RIMS2: variants seen among roughly 807,000 people sequenced by gnomAD.
The protein encoded by RIMS2 is regulating synaptic membrane exocytosis 2, also known as regulating synaptic membrane exocytosis protein 2.
RIMS2 carries 59 observed loss-of-function variants against 174.4 expected under a neutral mutation model. The ratio of observed to expected loss-of-function variants is 0.34; its 90% confidence interval spans 0.27 to 0.42. The LOEUF is 0.42. Ranked by LOEUF, RIMS2 falls within the 10% of genes least tolerant of loss-of-function variation. The pLI is 1.00. For missense variants in RIMS2, 1,620 were observed against 1,666.3 expected (o/e 0.97, Z 0.48); for synonymous variants, 606 against 572.5 (o/e 1.06, Z -0.84).
chr8:103,770,676 C>T (rs1319806849), intron 3 of RIMS2, among the ~76,000 whole-genome samples: 1 of 152,072 alleles, frequency 6.6e-6, no homozygotes, highest in Non-Finnish European at 1.5e-5. Context: ...TGAAATTTCT[C>T]CCTTTGCCCA....
At chr8:104,114,944 C>T (rs923011806) in intron 19 of RIMS2, among the ~76,000 whole-genome samples, 3 of 151,878 alleles carry the variant, frequency 2.0e-5, no homozygotes, top group Non-Finnish European at 2.9e-5. Flanking sequence ...TATAAGAACA[C>T]GTGCAAGTCA....
chr8:104,207,660 A>T (rs1465072626), intron 19 of RIMS2, among the ~76,000 whole-genome samples: 3 of 151,864 alleles, frequency 2.0e-5, no homozygotes, highest in African/African-American at 7.3e-5. Context: ...ACACACACAC[A>T]AAATTAGCTG....
Position 103,826,591 on chromosome 8 carries a change from A to T in RIMS2, c.699-58707A>T, listed in dbSNP as rs561066596. ...CTGTGCAATATGCCAGTCTTACTTT[A>T]TAGTAATTTTGATGTCAGGCAGTGT... On this transcript the variant is annotated intron_variant, in intron 3 of 23. Transcript: ENST00000504942. Among the ~76,000 whole-genome samples, 3 of 151,658 alleles carry T rather than the reference A, an allele frequency of 2.0e-5. No homozygotes were observed. In the East Asian group the frequency reaches 5.8e-4, roughly 29 times the overall value.
intron 1 of RIMS2, among the ~76,000 whole-genome samples, chr8:103,536,791 C>G (rs1453802647): frequency 6.6e-6 from 1 of 152,222 alleles, no homozygotes; most frequent in Non-Finnish European, 1.5e-5. Context: ...AGGTCCCACC[C>G]TCCAACACTG....
intron 3 of RIMS2, among the ~76,000 whole-genome samples, chr8:103,805,686 TTTTTC>T (rs2098645369): frequency 1.3e-5 from 2 of 152,158 alleles, no homozygotes; most frequent in African/African-American, 4.8e-5. Context: ...TCTCTTCCAC[TTTTTC>T]TTTTCATTTC....
chr8:103,668,503 C>A (rs1355157315), intron 1 of RIMS2, among the ~76,000 whole-genome samples: 1 of 151,698 alleles, frequency 6.6e-6, no homozygotes, highest in Non-Finnish European at 1.5e-5. Context: ...CAGAAATATA[C>A]CTGAAGTATA....
At chr8:104,027,145 T>A (rs1403586282) in intron 19 of RIMS2, among the ~76,000 whole-genome samples, 1 of 152,118 alleles carries the variant, frequency 6.6e-6, no homozygotes, top group Non-Finnish European at 1.5e-5. Context: ...ACTGAGGGCA[T>A]AGGACCATTT....
At chr8:103,563,156 C>T (rs542908879) in intron 1 of RIMS2, among the ~76,000 whole-genome samples, 1 of 152,320 alleles carries the variant, frequency 6.6e-6, no homozygotes, top group East Asian at 1.9e-4. Context: ...CATTCAGCTC[C>T]CTGTTACTTT....
chr8:103,883,364 G>C (rs1306446663), intron 3 of RIMS2, among the ~76,000 whole-genome samples: 2 of 151,624 alleles, frequency 1.3e-5, no homozygotes, highest in Admixed American at 6.6e-5. Context: ...TATCATGCTA[G>C]AGTTTTTTTA....
At chr8:104,061,746 C>A (rs1220338924) in intron 19 of RIMS2, among the ~76,000 whole-genome samples, 2 of 151,660 alleles carry the variant, frequency 1.3e-5, no homozygotes, top group African/African-American at 4.8e-5. Context: ...ATATGTACAA[C>A]ATCCTCATCA....
chr8:103,634,206 C>G (rs80100464), intron 1 of RIMS2, among the ~76,000 whole-genome samples: 9,943 of 152,264 alleles, frequency 0.065, 403 homozygotes, highest in South Asian at 0.088. Context: ...CCCAAAGACT[C>G]TGGTAAGTTG....
intron 16 of RIMS2, among the ~76,000 whole-genome samples, chr8:103,988,829 G>A (rs143675777): frequency 1.2e-4 from 18 of 152,224 alleles, no homozygotes; most frequent in East Asian, 3.9e-4. Flanking sequence ...GGGAGATGGC[G>A]CAAAGTGTGC....
intron 1 of RIMS2, among the ~76,000 whole-genome samples, chr8:103,662,177 G>A (rs2096609514): frequency 6.6e-6 from 1 of 152,152 alleles, no homozygotes. Flanking sequence ...GCTGTCCTGG[G>A]CCTCATGTGG....
intron 3 of RIMS2, among the ~76,000 whole-genome samples, chr8:103,847,540 A>G (rs1035546733): frequency 1.3e-5 from 2 of 152,102 alleles, no homozygotes; most frequent in African/African-American, 4.8e-5. Flanking sequence ...GTGGTATTCC[A>G]TGTAGGTAAA....
chr8:104,054,428 C>T (rs1044292130), intron 19 of RIMS2, among the ~76,000 whole-genome samples: 10 of 152,000 alleles, frequency 6.6e-5, no homozygotes, highest in Non-Finnish European at 1.2e-4. Flanking sequence ...TAAATATTTC[C>T]TTTTTTCATT....
exon 3 of RIMS2, chr8:103,766,519 G>A (rs1461164832): frequency 3.7e-6 from 6 of 1,612,066 alleles, no homozygotes; most frequent in Admixed American, 1.7e-5. Flanking sequence ...CACATTGCCA[G>A]TGACATAGCT....
At chr8:104,004,730 G>A (rs914802085) in intron 17 of RIMS2, among the ~76,000 whole-genome samples, 4 of 152,120 alleles carry the variant, frequency 2.6e-5, no homozygotes, top group Admixed American at 1.3e-4. Flanking sequence ...CAGAATGATT[G>A]GAAGAAGAGT....
intron 1 of RIMS2, among the ~76,000 whole-genome samples, chr8:103,569,622 T>C (rs1399141473): frequency 6.6e-6 from 1 of 152,084 alleles, no homozygotes; most frequent in African/African-American, 2.4e-5. Context: ...TTTGATTTTT[T>C]TTTTGTTTAA....
chr8:103,608,849 C>T (rs1165378545), intron 1 of RIMS2, among the ~76,000 whole-genome samples: 1 of 152,336 alleles, frequency 6.6e-6, no homozygotes, highest in African/African-American at 2.4e-5. Context: ...CCTGCTTTGG[C>T]TCGCGCACGG....
Sources: allele counts gnomAD v4.1 joint callset (sites outside exome capture counted in the v4.1 genomes callset), GRCh38; gene constraint gnomAD v4.1.1; transcripts MANE v1.5; gene names NCBI Gene and HGNC (gene_info 2026-07-23, HGNC 2026-07-21).